The following CRYBG1 variants were observed in gnomAD, a reference collection of about 807,000 sequenced individuals.
The protein encoded by CRYBG1 is beta/gamma crystallin domain-containing protein 1.
A neutral mutation model predicts 189.2 loss-of-function variants in CRYBG1; 139 were observed. The observed-to-expected ratio is 0.73, with a 90% confidence interval of 0.64 to 0.85. CRYBG1 has a LOEUF of 0.85. CRYBG1 is among the 40% of genes least tolerant of loss of function. The pLI is 0.00. For missense variants in CRYBG1, 2,611 were observed against 2,675.8 expected (o/e 0.98, Z 0.53); for synonymous variants, 1,023 against 1,017.1 (o/e 1.01, Z -0.11).
intron 1 of CRYBG1, among the ~76,000 whole-genome samples, chr6:106,393,536 GCA>G (rs1770549468): frequency 6.6e-6 from 1 of 152,178 alleles, no homozygotes; most frequent in Non-Finnish European, 1.5e-5. Flanking sequence ...ATTGGATGGT[GCA>G]CAGTCCATAC....
intron 1 of CRYBG1, among the ~76,000 whole-genome samples, chr6:106,367,616 A>G (rs182238976): frequency 6.6e-6 from 1 of 150,432 alleles, no homozygotes. Context: ...TCAAATACAT[A>G]TATACTCCCT....
intron 20 of CRYBG1, among the ~76,000 whole-genome samples, chr6:106,563,410 G>A (rs1285768403): frequency 6.6e-6 from 1 of 152,096 alleles, no homozygotes; most frequent in Non-Finnish European, 1.5e-5. Context: ...GATGTCAGAG[G>A]GAGATATAGC....
At chr6:106,363,243 CAAAAAAAA>C (rs57040798) in intron 1 of CRYBG1, among the ~76,000 whole-genome samples, 7 of 111,136 alleles carry the variant, frequency 6.3e-5, no homozygotes, top group African/African-American at 2.0e-4. Flanking sequence ...AACTCCGTCT[CAAAAAAAA>C]AAAAAAAAAA....
rs752737835 is a variant in CRYBG1 at position 106,543,633 on chromosome 6, T to C, written c.5039+36T>C. On this transcript the variant is annotated intron_variant, in intron 11 of 21. Transcript: ENST00000633556. ...GGGTGACTTGTTAGGATTTCTTTTT[T>C]TTCCGAAATATTAAGTAATAAATGT... 9 of 1,590,838 alleles carry C rather than the reference T, an allele frequency of 5.7e-6. 1 individual carries two copies. The Admixed American group carries it at 1.6e-4, about 29-fold the overall frequency.
chr6:106,431,696 G>A (rs9399999), intron 1 of CRYBG1, among the ~76,000 whole-genome samples: 24,746 of 152,060 alleles, frequency 0.16, 2,074 homozygotes, highest in African/African-American at 0.2. Context: ...GTTTTGTAGT[G>A]TGCTATATTT....
Position 106,511,860 on chromosome 6 carries a change from C to T in CRYBG1, c.743C>T (p.Ala248Val). ...LEAEGEPFPD[A>V]TTTAKQLHSS... ...GCAGAGGGAGAGCCTTTCCCAGATG[C>T]CACCACCACTGCCAAGCAGCTGCAT... The change falls in exon 3 of 22, where the codon GCC becomes GTC. Residue 248 changes from alanine (A) to valine (V), a missense_variant. Transcript: ENST00000633556. 6.6e-7 allele frequency: 1 copy of T among 1,514,742 alleles called. No homozygotes were observed. Among genetic ancestry groups the T allele is most frequent in the Non-Finnish European group, 8.8e-7 (1 of 1,133,966 alleles). 93.8% of individuals were successfully genotyped at this position (1,514,742 alleles called of 1,614,324 possible).
rs764761425 is a variant in CRYBG1, at chr6:106,527,410, G to A, written c.4518G>A (p.Arg1506=). 1 of 1,613,776 alleles carries A rather than the reference G, an allele frequency of 6.2e-7. No individual in the cohort carries two copies. ...GLWGIEDILE[R]HEEAESDKPV... is the part of the protein sequence containing the mutation. Reference sequence around the variant, plus strand: ...GGGGTATAGAAGACATTTTGGAAAGGCACGAAGAAGCAGAGTCTGATAAGC... The same window carrying A: ...GGGGTATAGAAGACATTTTGGAAAGACACGAAGAAGCAGAGTCTGATAAGC... The change falls in exon 7 of 22, where the codon AGG becomes AGA. Residue 1506 remains arginine, a synonymous_variant. Transcript: ENST00000633556.
chr6:106,520,600 C>T lies in CRYBG1; in HGVS notation c.3392C>T (p.Pro1131Leu). 2 of 1,614,112 alleles carry T rather than the reference C, an allele frequency of 1.2e-6. No homozygotes were observed. Among genetic ancestry groups the T allele is most frequent in the South Asian group, 1.1e-5 (1 of 91,078 alleles). Residue 1131 changes from proline to leucine, a missense_variant, in exon 4 of 22, where the codon CCA becomes CTA. By Grantham distance (98) the Pro-to-Leu change is moderately conservative (BLOSUM62 -3). Coordinates refer to ENST00000633556, the MANE Select transcript of CRYBG1 (RefSeq NM_001371242.2). ...ATGAAAAGAAAGAAGGCCAGGATGC[C>T]AAACTCTCCTGCTCCTCACTTTGCC... ...MPMKRKKARM[P>L]NSPAPHFAMP...
At position 106,561,456 on chromosome 6, in the gene CRYBG1, G is replaced by A. The variant is rs546082635; in HGVS notation, c.6094G>A (p.Asp2032Asn). ...RIQVMEDVGA[D>N]DQIWIYQEGC... ...ACAGGTCATGGAGGATGTCGGGGCC[G>A]ATGATCAGATTTGGATCTATCAAGA... Residue 2032 changes from aspartate to asparagine, a missense_variant, in exon 20 of 22, where the codon GAT becomes AAT. Coordinates refer to ENST00000633556, the MANE Select transcript of CRYBG1 (RefSeq NM_001371242.2). 9.3e-5 allele frequency: 150 copies of A among 1,614,112 alleles called. 4 individuals carry two copies. The South Asian group carries it at 1.6e-3, about 17-fold the overall frequency.
chr6:106,522,159 C>T (rs1036951961), intron 4 of CRYBG1, among the ~76,000 whole-genome samples: 1 of 152,170 alleles, frequency 6.6e-6, no homozygotes, highest in East Asian at 1.9e-4. Flanking sequence ...ATGCTCAGTG[C>T]TATACTTAGA....
At chr6:106,478,061 A>G (rs1772367334) in intron 2 of CRYBG1, among the ~76,000 whole-genome samples, 1 of 152,212 alleles carries the variant, frequency 6.6e-6, no homozygotes, top group Admixed American at 6.5e-5. Context: ...CTGTGCCCCT[A>G]AGCTGGGATG....
intron 2 of CRYBG1, among the ~76,000 whole-genome samples, chr6:106,506,748 C>G (rs909879752): frequency 3.2e-4 from 49 of 152,146 alleles, no homozygotes; most frequent in African/African-American, 1.2e-3. Flanking sequence ...CCACTGCACC[C>G]AGTCTAGATT....
chr6:106,362,914 G>T (rs1771907614), intron 1 of CRYBG1, among the ~76,000 whole-genome samples: 1 of 152,038 alleles, frequency 6.6e-6, no homozygotes, highest in Non-Finnish European at 1.5e-5. Context: ...CACAGCTATA[G>T]GTAATTTATT....
intron 1 of CRYBG1, among the ~76,000 whole-genome samples, chr6:106,415,804 A>G (rs1237615447): frequency 2.0e-5 from 3 of 152,118 alleles, no homozygotes; most frequent in Non-Finnish European, 4.4e-5. Flanking sequence ...CAGGCATTCA[A>G]ATGCTGGCTG....
chr6:106,457,823 C>T (rs1771920176), intron 2 of CRYBG1, among the ~76,000 whole-genome samples: 1 of 152,138 alleles, frequency 6.6e-6, no homozygotes. Context: ...CCTATGTGCT[C>T]TATCAGTGCT....
At position 106,512,138 on chromosome 6, in the gene CRYBG1, G is replaced by C; in HGVS notation, c.1021G>C (p.Asp341His). The C allele has an allele frequency of 6.5e-7, 1 of 1,534,506 alleles. No homozygotes were observed. The highest frequency in any genetic ancestry group is 1.4e-5 in the African/African-American group (1 of 73,134). ...CAGCCAGCCCCCCAAGGGCGCGTCT[G>C]ATTTGCCAGGTGAGCCTCCGGCCGA... ...ARSQPPKGAS[D>H]LPGEPPAEGA... Residue 341 changes from aspartate to histidine, a missense_variant, in exon 3 of 22, where the codon GAT becomes CAT. Coordinates refer to ENST00000633556, the MANE Select transcript of CRYBG1 (RefSeq NM_001371242.2).
chr6:106,492,341 C>A (rs931205159), intron 2 of CRYBG1, among the ~76,000 whole-genome samples: 1 of 152,040 alleles, frequency 6.6e-6, no homozygotes, highest in Non-Finnish European at 1.5e-5. Flanking sequence ...TAGAAGAATT[C>A]CTATTTTCAT....
At chr6:106,375,043 A>T (rs1473988076) in intron 1 of CRYBG1, among the ~76,000 whole-genome samples, 1 of 152,092 alleles carries the variant, frequency 6.6e-6, no homozygotes, top group African/African-American at 2.4e-5. Flanking sequence ...TTTGATGGTT[A>T]AAGTTTCTAA....
intron 8 of CRYBG1, among the ~76,000 whole-genome samples, chr6:106,532,913 G>A (rs932579602): frequency 6.6e-6 from 1 of 152,168 alleles, no homozygotes; most frequent in Non-Finnish European, 1.5e-5. Context: ...TCTATGAGAT[G>A]TATTAAATAT....
Sources: gnomAD v4.1 joint callset for allele counts (sites outside exome capture counted in the v4.1 genomes callset) on GRCh38, gnomAD v4.1.1 for gene constraint, MANE v1.5 for transcripts, NCBI Gene and HGNC (gene_info 2026-07-23, HGNC 2026-07-21) for gene names.